The following CEP128 variants were observed in gnomAD, a reference collection of about 807,000 sequenced individuals.
The protein encoded by CEP128 is centrosomal protein 128, also known as centrosomal protein 128kDa.
In CEP128, 132 loss-of-function variants were observed where a neutral mutation model predicts 156.7. The observed-to-expected ratio is 0.84, with a 90% confidence interval of 0.73 to 0.97. The LOEUF (loss-of-function observed/expected upper bound fraction) is 0.97. CEP128 is among the 50% of genes least tolerant of loss of function. CEP128 has a pLI of 0.00. For missense variants in CEP128, 1,252 were observed against 1,281.9 expected (o/e 0.98, Z 0.36); for synonymous variants, 469 against 448.9 (o/e 1.04, Z -0.57).
At chr14:80,836,561 AT>A (rs111834655) in intron 11 of CEP128, among the ~76,000 whole-genome samples, 3,354 of 150,470 alleles carry the variant, frequency 0.022, 127 homozygotes, top group African/African-American at 0.076. Context: ...ATGTGACTAG[AT>A]TTTTTTTTTC....
At chr14:80,951,717 G>T (rs568655340) in intron 2 of CEP128, among the ~76,000 whole-genome samples, 5 of 151,940 alleles carry the variant, frequency 3.3e-5, no homozygotes, top group African/African-American at 4.8e-5. Context: ...AGGCAGAGAC[G>T]GCGAGACTGA....
chr14:80,578,812 C>T (rs1033178167), intron 20 of CEP128, among the ~76,000 whole-genome samples: 9 of 152,084 alleles, frequency 5.9e-5, no homozygotes, highest in African/African-American at 1.4e-4. Flanking sequence ...TTGTGCATTC[C>T]GAGAGTTCCT....
At chr14:80,756,725 T>A (rs1899678190) in intron 18 of CEP128, among the ~76,000 whole-genome samples, 167 bp downstream of exon 18, 1 of 152,188 alleles carries the variant, frequency 6.6e-6, no homozygotes, top group African/African-American at 2.4e-5. Flanking sequence ...AATGTTAAAA[T>A]AAGAAACATG....
At chr14:80,727,174 C>T (rs1178844537) in intron 19 of CEP128, among the ~76,000 whole-genome samples, 2 of 152,036 alleles carry the variant, frequency 1.3e-5, no homozygotes, top group African/African-American at 2.4e-5. Flanking sequence ...TGTCTAACAT[C>T]GACCTTATAC....
At chr14:80,547,064 C>A (rs1174561288) in intron 21 of CEP128, among the ~76,000 whole-genome samples, 1 of 152,120 alleles carries the variant, frequency 6.6e-6, no homozygotes, top group African/African-American at 2.4e-5. Context: ...GGTATTACAG[C>A]TGTTATGCAG....
chr14:80,624,869 T>C (rs973284882), intron 19 of CEP128, among the ~76,000 whole-genome samples: 3 of 152,194 alleles, frequency 2.0e-5, no homozygotes, highest in Non-Finnish European at 2.9e-5. Context: ...CCACAGATTA[T>C]GTCTTCACTC....
chr14:80,632,539 C>A (rs1017433067), intron 19 of CEP128, among the ~76,000 whole-genome samples: 4 of 148,712 alleles, frequency 2.7e-5, no homozygotes, highest in Non-Finnish European at 5.9e-5. Flanking sequence ...TCCTTGGAGT[C>A]CATCATACTA....
intron 9 of CEP128, among the ~76,000 whole-genome samples, chr14:80,855,592 G>T (rs1887112189): frequency 6.6e-6 from 1 of 152,160 alleles, no homozygotes; most frequent in African/African-American, 2.4e-5. Flanking sequence ...ATTGGTTATG[G>T]AAACAAGAGG....
At chr14:80,615,747 G>T (rs755998039) in intron 19 of CEP128, among the ~76,000 whole-genome samples, 1 of 152,164 alleles carries the variant, frequency 6.6e-6, no homozygotes, top group Non-Finnish European at 1.5e-5. Context: ...TACTCGGGAG[G>T]CTGAGACAGG....
intron 19 of CEP128, among the ~76,000 whole-genome samples, chr14:80,614,619 T>C (rs142505074): frequency 6.6e-6 from 1 of 152,214 alleles, no homozygotes; most frequent in Non-Finnish European, 1.5e-5. Context: ...CCCACCCAGG[T>C]AGCCTGCTTT....
intron 6 of CEP128, among the ~76,000 whole-genome samples, chr14:80,902,689 A>T (rs1836506416): frequency 6.6e-6 from 1 of 152,218 alleles, no homozygotes; most frequent in Admixed American, 6.5e-5. Context: ...TAGTGAATAA[A>T]GTATGGAATT....
At chr14:80,810,344 A>G (rs1186469092) in intron 13 of CEP128, among the ~76,000 whole-genome samples, 2 of 148,864 alleles carry the variant, frequency 1.3e-5, no homozygotes, top group Middle Eastern at 3.4e-3. Context: ...AAAAAAAAAA[A>G]AAAAGAATAT....
intron 19 of CEP128, among the ~76,000 whole-genome samples, chr14:80,642,117 C>T (rs555363796): frequency 1.6e-3 from 218 of 137,974 alleles, no homozygotes; most frequent in Non-Finnish European, 2.4e-3. Context: ...GAGAGACAGC[C>T]CTACCTTAAA....
At chr14:80,533,994 T>G (rs563423489) in intron 21 of CEP128, among the ~76,000 whole-genome samples, 1 of 152,326 alleles carries the variant, frequency 6.6e-6, no homozygotes, top group South Asian at 2.1e-4. Context: ...TTAAGGGAAT[T>G]GCATGCACAA....
chr14:80,520,892 G>A (rs887163733), intron 23 of CEP128, among the ~76,000 whole-genome samples: 5 of 151,740 alleles, frequency 3.3e-5, no homozygotes, highest in Non-Finnish European at 5.9e-5. Context: ...GCACGATCTC[G>A]GCTCACTGCA....
chr14:80,903,740 A>T (rs34868228), intron 6 of CEP128, among the ~76,000 whole-genome samples: 18,562 of 152,168 alleles, frequency 0.12, 1,587 homozygotes, highest in East Asian at 0.44. Context: ...GTACATTTTT[A>T]AAAATATTCA....
chr14:80,825,587 A>C (rs1001472659), intron 13 of CEP128, among the ~76,000 whole-genome samples: 2 of 152,250 alleles, frequency 1.3e-5, no homozygotes, highest in African/African-American at 2.4e-5. Flanking sequence ...CAAACTAATT[A>C]GTAATTAGTA....
chr14:80,892,744 A>C (rs1313011132), intron 8 of CEP128, among the ~76,000 whole-genome samples: 1 of 151,978 alleles, frequency 6.6e-6, no homozygotes, highest in Non-Finnish European at 1.5e-5. Flanking sequence ...CAAAGAATCT[A>C]AATAGACATT....
At chr14:80,798,647 T>G (rs1883641026) in intron 13 of CEP128, among the ~76,000 whole-genome samples, 1 of 152,232 alleles carries the variant, frequency 6.6e-6, no homozygotes, top group African/African-American at 2.4e-5. Flanking sequence ...AGTAAAACTT[T>G]ATTTCAGCGT....
Sources: allele counts gnomAD v4.1 joint callset (sites outside exome capture counted in the v4.1 genomes callset), GRCh38; gene constraint gnomAD v4.1.1; transcripts MANE v1.5; gene names NCBI Gene and HGNC (gene_info 2026-07-23, HGNC 2026-07-21).